The following STARD13 variants were observed in gnomAD, a reference collection of about 807,000 sequenced individuals.
STARD13 encodes stAR-related lipid transfer protein 13.
A neutral mutation model predicts 106.4 loss-of-function variants in STARD13; 62 were observed. The ratio of observed to expected loss-of-function variants is 0.58; its 90% CI spans 0.48 to 0.72. The LOEUF (loss-of-function observed/expected upper bound fraction) is 0.72, where lower values mean the gene tolerates loss of function less well. STARD13 is among the 30% of genes least tolerant of loss of function. STARD13 has a pLI of 0.00. For synonymous variants in STARD13, 565 were observed against 553.0 expected (o/e 1.02, Z -0.31); for missense variants, 1,387 against 1,424.0 (o/e 0.97, Z 0.42).
the STARD13 span, among the ~76,000 whole-genome samples, chr13:33,539,737 A>C: frequency 6.6e-6 from 1 of 152,242 alleles, no homozygotes; most frequent in Non-Finnish European, 1.5e-5. Flanking sequence ...AAACATAAAT[A>C]AGATATATTG....
chr13:33,155,215 C>T (rs766289033), intron 3 of STARD13, among the ~76,000 whole-genome samples: 5 of 152,088 alleles, frequency 3.3e-5, no homozygotes, highest in Non-Finnish European at 1.5e-5. Flanking sequence ...CCTCCTGACT[C>T]GCTCCTCCTT....
the STARD13 span, among the ~76,000 whole-genome samples, chr13:33,368,195 C>G: frequency 6.6e-6 from 1 of 152,194 alleles, no homozygotes; most frequent in Non-Finnish European, 1.5e-5. Flanking sequence ...GTGTCCCGAG[C>G]TAGGTCACAT....
intron 1 of STARD13, among the ~76,000 whole-genome samples, chr13:33,270,483 T>G (rs1594194690): frequency 6.6e-6 from 1 of 152,196 alleles, no homozygotes; most frequent in Admixed American, 6.5e-5. Flanking sequence ...CCATTTGAAT[T>G]GATTTCACAT....
chr13:33,122,865 G>A (rs1876553825), intron 7 of STARD13, among the ~76,000 whole-genome samples: 1 of 152,076 alleles, frequency 6.6e-6, no homozygotes, highest in African/African-American at 2.4e-5. Context: ...GACCAGCCTG[G>A]CCAACATGGT....
At chr13:33,235,010 G>T (rs1397584039) in intron 1 of STARD13, among the ~76,000 whole-genome samples, 1 of 152,168 alleles carries the variant, frequency 6.6e-6, no homozygotes, top group African/African-American at 2.4e-5. Flanking sequence ...AAAATGTTCA[G>T]AAAACTCCTT....
intron 1 of STARD13, among the ~76,000 whole-genome samples, chr13:33,190,278 G>A (rs894574480): frequency 3.9e-5 from 6 of 152,112 alleles, no homozygotes; most frequent in Non-Finnish European, 5.9e-5. Context: ...AAAAAAAAAT[G>A]AAAAGAATTT....
the STARD13 span, among the ~76,000 whole-genome samples, chr13:33,588,686 G>A: frequency 2.6e-5 from 4 of 152,120 alleles, no homozygotes; most frequent in Non-Finnish European, 4.4e-5. Flanking sequence ...GGGGCACATC[G>A]CAAATGTTAT....
intron 1 of STARD13, among the ~76,000 whole-genome samples, chr13:33,183,012 C>G (rs950417925): frequency 6.6e-6 from 1 of 152,222 alleles, no homozygotes; most frequent in African/African-American, 2.4e-5. Flanking sequence ...TACACTGTTT[C>G]CTCTCCATCT....
At chr13:33,578,694 AATC>A in the STARD13 span, among the ~76,000 whole-genome samples, 2 of 152,224 alleles carry the variant, frequency 1.3e-5, no homozygotes, top group East Asian at 1.9e-4. Flanking sequence ...CAAAAGAAAT[AATC>A]ATCAGAGTAA....
At chr13:33,208,565 C>G (rs1054085498) in intron 1 of STARD13, among the ~76,000 whole-genome samples, 5 of 152,052 alleles carry the variant, frequency 3.3e-5, no homozygotes, top group African/African-American at 1.2e-4. Flanking sequence ...ATTATGAACC[C>G]TTGGGGGTTT....
chr13:33,191,942 G>T (rs1336862892), intron 1 of STARD13, among the ~76,000 whole-genome samples: 2 of 152,228 alleles, frequency 1.3e-5, no homozygotes, highest in African/African-American at 4.8e-5. Context: ...AACAGCTGGA[G>T]AAATGGCCTC....
intron 3 of STARD13, among the ~76,000 whole-genome samples, chr13:33,155,092 C>T (rs951909207): frequency 2.6e-5 from 4 of 152,178 alleles, no homozygotes; most frequent in Non-Finnish European, 4.4e-5. Context: ...CAGGGCCTTC[C>T]TCCTCACATG....
chr13:33,640,182 C>T, the STARD13 span, among the ~76,000 whole-genome samples: 5 of 152,210 alleles, frequency 3.3e-5, no homozygotes, highest in South Asian at 2.1e-4. Context: ...CACCATTTCT[C>T]ATTGTGATCT....
intron 1 of STARD13, among the ~76,000 whole-genome samples, chr13:33,188,462 G>A (rs1291359280): frequency 6.6e-6 from 1 of 151,970 alleles, no homozygotes; most frequent in Non-Finnish European, 1.5e-5. Context: ...AAAATTTCTG[G>A]TTATGATCTG....
intron 1 of STARD13, chr13:33,185,830 C>A (rs1464913494): frequency 1.3e-6 from 2 of 1,598,978 alleles, no homozygotes; most frequent in Non-Finnish European, 8.6e-7. Flanking sequence ...AACAAGTTCA[C>A]AAAGGTCTAT....
At chr13:33,400,460 T>C in the STARD13 span, among the ~76,000 whole-genome samples, 1 of 150,398 alleles carries the variant, frequency 6.6e-6, no homozygotes, top group African/African-American at 2.5e-5. Context: ...ATCACTTCAA[T>C]GGCTATTTTT....
chr13:33,558,187 C>A, the STARD13 span, among the ~76,000 whole-genome samples: 2 of 152,134 alleles, frequency 1.3e-5, no homozygotes, highest in Admixed American at 1.3e-4. Flanking sequence ...CACTCATAAT[C>A]TTTCTTTCCA....
chr13:33,202,750 A>G (rs995968231), intron 1 of STARD13, among the ~76,000 whole-genome samples: 7 of 152,152 alleles, frequency 4.6e-5, no homozygotes, highest in African/African-American at 1.7e-4. Flanking sequence ...CATTTAGCAG[A>G]GCACAGGGAC....
chr13:33,212,354 A>G (rs1423490491), intron 1 of STARD13, among the ~76,000 whole-genome samples: 1 of 152,202 alleles, frequency 6.6e-6, no homozygotes, highest in Non-Finnish European at 1.5e-5. Context: ...AGATATCCAG[A>G]GCATGCCTGC....
Sources: allele counts gnomAD v4.1 joint callset (sites outside exome capture counted in the v4.1 genomes callset), GRCh38; gene constraint gnomAD v4.1.1; transcripts MANE v1.5; gene names NCBI Gene and HGNC (gene_info 2026-07-23, HGNC 2026-07-21).